Variants in CDC42BPA observed in about 807,000 individuals in gnomAD.
The protein encoded by CDC42BPA is CDC42 binding protein kinase alpha.
A neutral mutation model predicts 223.5 loss-of-function variants in CDC42BPA; 80 were observed. The observed-to-expected ratio is 0.36, with a 90% confidence interval of 0.30 to 0.43. CDC42BPA has a LOEUF of 0.43. CDC42BPA is among the 20% of genes least tolerant of loss of function. The probability of loss-of-function intolerance (pLI) is 1.00; values close to 1 mark genes in which losing one functional copy is unlikely to be tolerated. For synonymous variants in CDC42BPA, 694 were observed against 718.6 expected, an observed-to-expected ratio of 0.97 and a Z score of 0.55; for missense variants, 1,743 against 2,099.9, an observed-to-expected ratio of 0.83 and a Z score of 3.32.
intron 5 of CDC42BPA, among the ~76,000 whole-genome samples, chr1:227,162,941 TTTCCAAAC>T (rs1664233879): frequency 8.8e-5 from 13 of 147,450 alleles, no homozygotes; most frequent in East Asian, 1.9e-4. Context: ...TATGTGTGTG[TTTCCAAAC>T]ATATATGTTT....
intron 11 of CDC42BPA, among the ~76,000 whole-genome samples, chr1:227,128,602 AG>A (rs1656340870): frequency 6.6e-6 from 1 of 152,236 alleles, no homozygotes; most frequent in South Asian, 2.1e-4. Context: ...AATGAATAAT[AG>A]GTATACGAAC....
chr1:227,246,057 C>A (rs1387122561), intron 2 of CDC42BPA, among the ~76,000 whole-genome samples: 1 of 152,146 alleles, frequency 6.6e-6, no homozygotes, highest in Non-Finnish European at 1.5e-5. Context: ...GGCTCTGGGC[C>A]AGAGGGGGGC....
At chr1:227,086,151 T>C (rs946080992) in intron 16 of CDC42BPA, among the ~76,000 whole-genome samples, 2 of 152,244 alleles carry the variant, frequency 1.3e-5, no homozygotes, top group African/African-American at 4.8e-5. Context: ...TACTGTTGCA[T>C]GCATCAGAAT....
intron 10 of CDC42BPA, among the ~76,000 whole-genome samples, chr1:227,137,570 C>T (rs1161321567): frequency 1.3e-5 from 2 of 151,388 alleles, no homozygotes; most frequent in South Asian, 2.1e-4. Flanking sequence ...TATATTTGCA[C>T]GAACTTTACT....
At chr1:227,024,588 A>G (rs1244721619) in intron 31 of CDC42BPA, among the ~76,000 whole-genome samples, 2 of 152,206 alleles carry the variant, frequency 1.3e-5, no homozygotes, top group African/African-American at 4.8e-5. Context: ...ACCCAACAGA[A>G]TATTTTATAG....
At chr1:227,279,396 A>G (rs921497446) in intron 1 of CDC42BPA, among the ~76,000 whole-genome samples, 2 of 152,146 alleles carry the variant, frequency 1.3e-5, no homozygotes, top group African/African-American at 4.8e-5. Flanking sequence ...GATAATTTCT[A>G]TACTAATTTT....
chr1:227,034,629 AAAT>A, intron 26 of CDC42BPA, 23 bp downstream of exon 26: 1 of 1,567,566 alleles, frequency 6.4e-7, no homozygotes, highest in African/African-American at 1.4e-5. Flanking sequence ...GCAATGATAC[AAAT>A]AATTTTACCT....
chr1:227,165,730 T>G (rs1664921305), intron 5 of CDC42BPA, among the ~76,000 whole-genome samples: 2 of 152,232 alleles, frequency 1.3e-5, no homozygotes, highest in South Asian at 4.1e-4. Flanking sequence ...TTACAAACTG[T>G]CCAAAATTCG....
chr1:227,273,961 C>T (rs1417691367), intron 1 of CDC42BPA, among the ~76,000 whole-genome samples: 1 of 115,330 alleles, frequency 8.7e-6, no homozygotes, highest in Non-Finnish European at 1.7e-5. Flanking sequence ...GGAGGTGTTT[C>T]CTGGTTTGAT....
chr1:227,033,521 C>A, intron 26 of CDC42BPA, 106 bp from the exon 27 acceptor site: 1 of 640,644 alleles, frequency 1.6e-6, no homozygotes, highest in Non-Finnish European at 2.8e-6. Flanking sequence ...GCACCAAACA[C>A]CCAAATTTAA....
intron 20 of CDC42BPA, among the ~76,000 whole-genome samples, chr1:227,070,789 A>G (rs1678151670): frequency 6.6e-6 from 1 of 151,898 alleles, no homozygotes; most frequent in African/African-American, 2.4e-5. Flanking sequence ...TTTGTTCTGC[A>G]ATATTCAAAA....
chr1:227,117,332 C>T (rs1687922013), intron 12 of CDC42BPA, among the ~76,000 whole-genome samples: 1 of 151,834 alleles, frequency 6.6e-6, no homozygotes, highest in Non-Finnish European at 1.5e-5. Context: ...TTTTTTTCCC[C>T]CTGAGATAGG....
At chr1:227,191,538 G>C (rs1005304302) in intron 5 of CDC42BPA, among the ~76,000 whole-genome samples, 25 of 152,050 alleles carry the variant, frequency 1.6e-4, no homozygotes, top group Non-Finnish European at 1.0e-4. Flanking sequence ...CAGAATGAAA[G>C]ATACTACAAA....
At chr1:227,196,338 C>CTTTTTTTTTTTTTTCTTTTTTT (rs1670688852) in intron 4 of CDC42BPA, among the ~76,000 whole-genome samples, 1 of 92,352 alleles carries the variant, frequency 1.1e-5, no homozygotes, top group African/African-American at 4.7e-5. Context: ...TTAAACAATA[C>CTTTTTTTTTTTTTTCTTTTTTT]TTTTTTTTTT....
intron 3 of CDC42BPA, among the ~76,000 whole-genome samples, chr1:227,212,792 A>G (rs1460691238): frequency 6.6e-6 from 1 of 152,222 alleles, no homozygotes; most frequent in Non-Finnish European, 1.5e-5. Flanking sequence ...GAATACAGAT[A>G]AATACAGAAT....
intron 1 of CDC42BPA, among the ~76,000 whole-genome samples, chr1:227,273,391 C>A (rs1306101942): frequency 2.0e-5 from 3 of 151,706 alleles, no homozygotes; most frequent in Non-Finnish European, 4.4e-5. Flanking sequence ...CATGGAGAAA[C>A]CCCATCTCTA....
intron 9 of CDC42BPA, among the ~76,000 whole-genome samples, chr1:227,141,413 T>C (rs1482003658): frequency 6.6e-6 from 1 of 151,962 alleles, no homozygotes; most frequent in Non-Finnish European, 1.5e-5. Flanking sequence ...AAGAAAAAAA[T>C]TCATGACATG....
chr1:227,293,353 T>C (rs1690030303), intron 1 of CDC42BPA, among the ~76,000 whole-genome samples: 2 of 152,126 alleles, frequency 1.3e-5, no homozygotes, highest in South Asian at 4.1e-4. Context: ...TTTCTAAAAA[T>C]TACCACAAAA....
At chr1:227,309,436 T>C (rs1404040922) in intron 1 of CDC42BPA, among the ~76,000 whole-genome samples, 1 of 152,170 alleles carries the variant, frequency 6.6e-6, no homozygotes, top group African/African-American at 2.4e-5. Flanking sequence ...TAACAGTATA[T>C]ATAAATAGTT....
Sources: allele counts gnomAD v4.1 joint callset (sites outside exome capture counted in the v4.1 genomes callset), GRCh38; gene constraint gnomAD v4.1.1; transcripts MANE v1.5; gene names NCBI Gene and HGNC (gene_info 2026-07-23, HGNC 2026-07-21).